Variants in COL21A1 observed in about 807,000 individuals in gnomAD.
COL21A1 encodes collagen alpha-1(XXI) chain.
In COL21A1, 149 loss-of-function variants were observed where a neutral mutation model predicts 137.9. The ratio of observed to expected loss-of-function variants is 1.08; its 90% CI spans 0.95 to 1.24. COL21A1 has a LOEUF of 1.24. Among genes scored for constraint, COL21A1 ranks in the 50% most tolerant of loss-of-function variants. COL21A1 has a pLI of 0.00. For missense variants in COL21A1, 1,167 were observed against 1,158.4 expected (o/e 1.01, Z -0.11); for synonymous variants, 456 against 391.5 (o/e 1.16, Z -1.95).
At chr6:56,193,670 T>C (rs1008611739) in intron 1 of COL21A1, among the ~76,000 whole-genome samples, 1 of 152,044 alleles carries the variant, frequency 6.6e-6, no homozygotes, top group Non-Finnish European at 1.5e-5. Flanking sequence ...TATACTTCAA[T>C]GAAAAAAAAC....
At chr6:56,190,872 T>C (rs897290074) in intron 1 of COL21A1, among the ~76,000 whole-genome samples, 1 of 152,132 alleles carries the variant, frequency 6.6e-6, no homozygotes, top group Non-Finnish European at 1.5e-5. Flanking sequence ...AGAAAAGGCC[T>C]TCAACAAAAT....
At chr6:56,381,536 A>G (rs2094008669) in intron 1 of COL21A1, among the ~76,000 whole-genome samples, 2 of 152,362 alleles carry the variant, frequency 1.3e-5, no homozygotes, top group South Asian at 2.1e-4. Flanking sequence ...GCATAAGCCC[A>G]TGGCCTCAGT....
In COL21A1 at chr6:56,156,957, G is replaced by A; in HGVS notation, c.1372-8C>T. 3 of 1,607,682 alleles carry A rather than the reference G, an allele frequency of 1.9e-6. No homozygotes were observed. Among genetic ancestry groups the A allele is most frequent in the Non-Finnish European group, 2.5e-6 (3 of 1,176,894 alleles). The stretch of plus-strand genomic sequence containing the variant: ...AGGCAGTCCAGGGTCACCCTAAGCA[G>A]GAAGCAAACAAACTTTTGAGTACAA... On this transcript the variant is annotated splice_polypyrimidine_tract_variant and splice_region_variant and intron_variant, in intron 9 of 29. Coordinates refer to ENST00000244728, the MANE Select transcript of COL21A1 (RefSeq NM_030820.4).
intron 1 of COL21A1, among the ~76,000 whole-genome samples, chr6:56,229,386 A>G (rs1394808373): frequency 1.3e-5 from 2 of 151,978 alleles, no homozygotes; most frequent in Non-Finnish European, 2.9e-5. Flanking sequence ...CAGAATATGC[A>G]TTATTTTAAA....
chr6:56,330,276 T>A (rs931838661), intron 1 of COL21A1, among the ~76,000 whole-genome samples: 18 of 152,176 alleles, frequency 1.2e-4, no homozygotes, highest in African/African-American at 4.3e-4. Context: ...AACTGCTATA[T>A]TAGGAGGGTA....
intron 1 of COL21A1, among the ~76,000 whole-genome samples, chr6:56,312,542 C>A (rs759900531): frequency 1.3e-5 from 2 of 152,104 alleles, no homozygotes; most frequent in Admixed American, 6.6e-5. Context: ...TTTGAGATAT[C>A]TCTCAGATGG....
At chr6:56,390,963 C>T (rs2094028457) in intron 1 of COL21A1, among the ~76,000 whole-genome samples, 2 of 152,134 alleles carry the variant, frequency 1.3e-5, no homozygotes, top group African/African-American at 4.8e-5. Flanking sequence ...CACTATGGAC[C>T]AAATGGATCT....
chr6:56,260,752 G>A (rs1428222577), intron 1 of COL21A1, among the ~76,000 whole-genome samples: 2 of 149,906 alleles, frequency 1.3e-5, no homozygotes, highest in African/African-American at 4.9e-5. Context: ...AGGAAGGAAG[G>A]AATCAATCTT....
intron 16 of COL21A1, among the ~76,000 whole-genome samples, chr6:56,106,538 A>T (rs1442057320): frequency 6.6e-6 from 1 of 152,220 alleles, no homozygotes; most frequent in Non-Finnish European, 1.5e-5. Flanking sequence ...TTCTAACTTC[A>T]TTATACATAA....
chr6:56,324,545 C>T (rs1764953319), intron 1 of COL21A1, among the ~76,000 whole-genome samples: 1 of 152,016 alleles, frequency 6.6e-6, no homozygotes, highest in South Asian at 2.1e-4. Context: ...CTCCATTCAC[C>T]GACCCGAATA....
intron 1 of COL21A1, among the ~76,000 whole-genome samples, chr6:56,285,796 C>T (rs79240044): frequency 0.075 from 11,207 of 148,510 alleles, 465 homozygotes; most frequent in Middle Eastern, 0.14. Flanking sequence ...CCCACCCTCC[C>T]TCATTAGCCC....
chr6:56,211,652 G>A (rs768630215), intron 1 of COL21A1, among the ~76,000 whole-genome samples: 1 of 152,008 alleles, frequency 6.6e-6, no homozygotes, highest in Non-Finnish European at 1.5e-5. Context: ...GGGGAGAGAG[G>A]AAGATGTCAC....
intron 3 of COL21A1, among the ~76,000 whole-genome samples, chr6:56,175,141 C>T (rs1489627010): frequency 6.6e-6 from 1 of 152,064 alleles, no homozygotes; most frequent in Admixed American, 6.5e-5. Context: ...AAGGAAACTA[C>T]TTTAACATAA....
At chr6:56,186,654 A>G (rs1292431762) in intron 1 of COL21A1, among the ~76,000 whole-genome samples, 1 of 152,208 alleles carries the variant, frequency 6.6e-6, no homozygotes, top group East Asian at 1.9e-4. Context: ...AGGTCACAAG[A>G]CACAAGATTA....
rs548725278 is a variant in COL21A1 at position 56,098,738 on chromosome 6, C to T, written c.1812+2734G>A. 2.1e-3 allele frequency among the ~76,000 whole-genome samples: 203 copies of T among 95,000 alleles called. 5 individuals are homozygous for T. Among genetic ancestry groups the T allele is most frequent in the African/African-American group, 7.3e-3 (192 of 26,424 alleles). 62.3% of individuals were successfully genotyped at this position (95,000 alleles called of 152,430 possible). On this transcript the variant is annotated intron_variant, in intron 17 of 29. Transcript: ENST00000244728. ...ATATAAATATATATATATTTTGAGA[C>T]GGGGTCTTGCTCTGTCGCCCAGGCT...
At chr6:56,192,238 A>G (rs1195818494) in intron 1 of COL21A1, among the ~76,000 whole-genome samples, 4 of 152,254 alleles carry the variant, frequency 2.6e-5, no homozygotes, top group East Asian at 3.8e-4. Context: ...ACCTTAAACC[A>G]TAAAAATCCC....
intron 17 of COL21A1, among the ~76,000 whole-genome samples, chr6:56,099,396 C>G (rs1770231896): frequency 6.6e-6 from 1 of 151,650 alleles, no homozygotes; most frequent in Admixed American, 6.6e-5. Flanking sequence ...GCCACCACGC[C>G]TGGCTAATTT....
chr6:56,200,146 A>G (rs977351476), intron 1 of COL21A1, among the ~76,000 whole-genome samples: 1 of 152,170 alleles, frequency 6.6e-6, no homozygotes, highest in African/African-American at 2.4e-5. Context: ...CCAGGAACAG[A>G]AAGGTCAGTG....
chr6:56,368,716 C>T (rs1051774650), intron 1 of COL21A1, among the ~76,000 whole-genome samples: 8 of 152,152 alleles, frequency 5.3e-5, no homozygotes, highest in African/African-American at 1.9e-4. Flanking sequence ...AACGAAGCTT[C>T]AAGGTCACTT....
Sources: allele counts gnomAD v4.1 joint callset (sites outside exome capture counted in the v4.1 genomes callset), GRCh38; gene constraint gnomAD v4.1.1; transcripts MANE v1.5; gene names NCBI Gene and HGNC (gene_info 2026-07-23, HGNC 2026-07-21).